The following MAEA variants were observed in gnomAD, a reference collection of about 807,000 sequenced individuals.
MAEA encodes E3 ubiquitin-protein transferase MAEA.
MAEA carries 22 observed loss-of-function variants against 46.2 expected under a neutral mutation model. The observed-to-expected ratio is 0.48, with a 90% confidence interval of 0.34 to 0.68. The LOEUF (loss-of-function observed/expected upper bound fraction) is 0.68. Ranked by LOEUF, MAEA falls within the 30% of genes least tolerant of loss-of-function variation. MAEA has a pLI of 0.01. For synonymous variants in MAEA, 246 were observed against 222.6 expected (o/e 1.11, Z -0.94); for missense variants, 393 against 558.1 (o/e 0.70, Z 2.98).
chr4:1,322,231 TC>T, intron 3 of MAEA, 149 bp from the exon 4 acceptor site: 2 of 1,103,796 alleles, frequency 1.8e-6, no homozygotes, highest in Non-Finnish European at 2.6e-6. Context: ...CCCTGAGTAG[TC>T]CACGAGTGCA....
chr4:1,335,727 T>C lies in MAEA; in HGVS notation c.766-1134T>C, dbSNP rs1034305610. 2.0e-6 allele frequency: 2 copies of C among 983,764 alleles called. 1 individual carries two copies. The highest frequency in any genetic ancestry group is 1.0e-3 in the Middle Eastern group (2 of 1,932). 60.9% of individuals were successfully genotyped at this position (983,764 alleles called of 1,614,324 possible). ...AGTTAAGTCAGCACTGGCCCCACAG[T>C]GTGTTGAAATCACAGAGTTAAGTCA... On this transcript the variant is annotated intron_variant, in intron 6 of 8. Coordinates refer to ENST00000303400, the MANE Select transcript of MAEA (RefSeq NM_001017405.3).
At chr4:1,303,498 A>T (rs1262401299) in intron 1 of MAEA, among the ~76,000 whole-genome samples, 1 of 152,124 alleles carries the variant, frequency 6.6e-6, no homozygotes, top group Admixed American at 6.5e-5. Context: ...ACGGAAGACC[A>T]TTCAGCCATG....
intron 1 of MAEA, among the ~76,000 whole-genome samples, chr4:1,306,893 G>A (rs1735886243): frequency 6.6e-6 from 1 of 152,148 alleles, no homozygotes; most frequent in Non-Finnish European, 1.5e-5. Context: ...TGGGTTGAGG[G>A]CCATCCCTTC....
Position 1,339,414 on chromosome 4 carries a change from C to A in MAEA, c.*245C>A. 1 of 530,486 alleles carries A rather than the reference C, an allele frequency of 1.9e-6. No individual in the cohort carries two copies. The highest frequency in any genetic ancestry group is 2.5e-5 in the South Asian group (1 of 39,952). The allele number at this position is 530,486 out of a possible 1,614,324, so 32.9% of individuals were successfully genotyped here. A position where few individuals can be genotyped will look rare whatever the true frequency, so the allele number is the denominator to read the frequency against. ...ATTTGATGCTTCTGAAAAGTACTTT[C>A]AACTTGCGAAGGAAACTCTTCTTTA... On this transcript the variant is annotated 3_prime_UTR_variant, in exon 9 of 9. Transcript: ENST00000303400.
At chr4:1,291,563 C>G (rs1198484411) in intron 1 of MAEA, among the ~76,000 whole-genome samples, 2 of 152,202 alleles carry the variant, frequency 1.3e-5, no homozygotes, top group African/African-American at 4.8e-5. Flanking sequence ...CACTTTGTCT[C>G]ACGCAGTGCA....
At chr4:1,321,210 A>G (rs1577199678) in intron 3 of MAEA, among the ~76,000 whole-genome samples, 1 of 152,154 alleles carries the variant, frequency 6.6e-6, no homozygotes, top group African/African-American at 2.4e-5. Context: ...AGAAATCATC[A>G]AAGCAAATGT....
At chr4:1,295,646 A>G (rs1372922824) in intron 1 of MAEA, among the ~76,000 whole-genome samples, 1 of 81,924 alleles carries the variant, frequency 1.2e-5, no homozygotes, top group African/African-American at 4.5e-5. Flanking sequence ...CCGTACCTGT[A>G]CCCCCCTCAC....
At chr4:1,327,337 AAGCGCCCTG>A (rs1738973724) in intron 4 of MAEA, among the ~76,000 whole-genome samples, 1 of 152,324 alleles carries the variant, frequency 6.6e-6, no homozygotes, top group East Asian at 1.9e-4. Context: ...GTGCTCCTGG[AAGCGCCCTG>A]AGCGCCCTGG....
At chr4:1,320,368 T>C (rs534740145) in intron 3 of MAEA, among the ~76,000 whole-genome samples, 1 of 150,170 alleles carries the variant, frequency 6.7e-6, no homozygotes, top group African/African-American at 2.5e-5. Context: ...AAGAAAATGC[T>C]ATGAAGGGGC....
Position 1,339,671 on chromosome 4 carries a change from G to A in MAEA, c.*502G>A, listed in dbSNP as rs752107262. The A allele has an allele frequency of 1.3e-5, 2 of 155,940 alleles. No individual in the cohort carries two copies. Among genetic ancestry groups the A allele is most frequent in the Non-Finnish European group, 1.4e-5 (1 of 70,384 alleles). The allele number at this position is 155,940 out of a possible 1,614,324, so 9.7% of individuals were successfully genotyped here. On this transcript the variant is annotated 3_prime_UTR_variant, in exon 9 of 9. Transcript: ENST00000303400. Reference sequence around the variant, plus strand: ...ACGAGGGACACTTATGGCTTCATTCGAGAGCTGCTGCCAAAACGCCTGGCG... The same window carrying A: ...ACGAGGGACACTTATGGCTTCATTCAAGAGCTGCTGCCAAAACGCCTGGCG...
At chr4:1,318,727 C>T (rs1329373091) in intron 3 of MAEA, among the ~76,000 whole-genome samples, 1 of 152,204 alleles carries the variant, frequency 6.6e-6, no homozygotes, top group African/African-American at 2.4e-5. Context: ...TAAACCCCGG[C>T]TGCGCTGGTC....
chr4:1,292,123 G>A lies in MAEA; in HGVS notation c.69+2141G>A, dbSNP rs552041302. Reference sequence around the variant, plus strand: ...AGAAGGGACCGAGGGCTGCAGGACCGGGGTTGTGGAAGGTGGGGGGTGGAT... The same window carrying A: ...AGAAGGGACCGAGGGCTGCAGGACCAGGGTTGTGGAAGGTGGGGGGTGGAT... On this transcript the variant is annotated intron_variant, in intron 1 of 8. Coordinates refer to ENST00000303400, the MANE Select transcript of MAEA (RefSeq NM_001017405.3). 3.5e-3 allele frequency among the ~76,000 whole-genome samples: 532 copies of A among 152,318 alleles called. 8 individuals carry two copies. The highest frequency in any genetic ancestry group is 0.012 in the African/African-American group (506 of 41,554).
At chr4:1,315,365 T>C in intron 2 of MAEA, 32 bp from the exon 3 acceptor site, 1 of 1,609,150 alleles carries the variant, frequency 6.2e-7, no homozygotes, top group Non-Finnish European at 8.5e-7. Context: ...GGCATCCCTG[T>C]CCTGAACGTG....
intron 3 of MAEA, among the ~76,000 whole-genome samples, chr4:1,317,897 C>T (rs562424979): frequency 1.4e-4 from 21 of 152,294 alleles, no homozygotes; most frequent in East Asian, 3.9e-4. Context: ...CATCGCTGGA[C>T]GGGGTCGTCT....
At chr4:1,327,567 C>T (rs2108981420) in intron 4 of MAEA, 60 bp from the exon 5 acceptor site, 4 of 1,268,682 alleles carry the variant, frequency 3.2e-6, no homozygotes, top group East Asian at 4.6e-5. Flanking sequence ...GGTGCGGCAC[C>T]CGGGCACCTG....
intron 1 of MAEA, among the ~76,000 whole-genome samples, chr4:1,297,049 G>A (rs1330405203): frequency 1.3e-5 from 2 of 152,148 alleles, no homozygotes; most frequent in Non-Finnish European, 2.9e-5. Flanking sequence ...ACCTCCCGGA[G>A]CTCTCTTCGC....
intron 1 of MAEA, among the ~76,000 whole-genome samples, chr4:1,302,494 G>C (rs1360622500): frequency 6.6e-6 from 1 of 152,148 alleles, no homozygotes; most frequent in African/African-American, 2.4e-5. Context: ...TTGTTTTTTT[G>C]AGTTGGATTC....
chr4:1,334,316 C>T (rs1405307380), intron 6 of MAEA, among the ~76,000 whole-genome samples: 1 of 152,024 alleles, frequency 6.6e-6, no homozygotes, highest in Admixed American at 6.6e-5. Context: ...CCCCACCTGC[C>T]ACCCTGTAGG....
intron 2 of MAEA, among the ~76,000 whole-genome samples, chr4:1,315,158 A>G (rs1195883453): frequency 6.6e-6 from 1 of 152,254 alleles, no homozygotes; most frequent in Non-Finnish European, 1.5e-5. Flanking sequence ...ATTAATATAA[A>G]GCCAGAAATA....
Sources: gnomAD v4.1 joint callset for allele counts (sites outside exome capture counted in the v4.1 genomes callset) on GRCh38, gnomAD v4.1.1 for gene constraint, MANE v1.5 for transcripts, NCBI Gene and HGNC (gene_info 2026-07-23, HGNC 2026-07-21) for gene names.